GPC6: variants seen among roughly 807,000 people sequenced by gnomAD.
GPC6 encodes the protein glypican 6.
GPC6 carries 14 observed loss-of-function variants against 55.2 expected under a neutral mutation model. The observed-to-expected ratio is 0.25, with a 90% CI of 0.17 to 0.40. The LOEUF (loss-of-function observed/expected upper bound fraction) is 0.40, where lower values mean the gene tolerates loss of function less well. Ranked by LOEUF, GPC6 falls within the 10% of genes least tolerant of loss-of-function variation. The probability of loss-of-function intolerance (pLI) is 1.00; values close to 1 mark genes in which losing one functional copy is unlikely to be tolerated. For synonymous variants in GPC6, 278 were observed against 259.6 expected, an observed-to-expected ratio of 1.07 and a Z score of -0.68; for missense variants, 641 against 708.5, an observed-to-expected ratio of 0.90 and a Z score of 1.08.
chr13:93,686,622 T>C (rs1882056547), intron 2 of GPC6, among the ~76,000 whole-genome samples: 2 of 152,202 alleles, frequency 1.3e-5, no homozygotes, highest in African/African-American at 4.8e-5. Context: ...TAGAACTTTT[T>C]CATTTTTACC....
At chr13:93,362,216 C>T (rs1881063725) in intron 1 of GPC6, among the ~76,000 whole-genome samples, 1 of 152,188 alleles carries the variant, frequency 6.6e-6, no homozygotes, top group Non-Finnish European at 1.5e-5. Context: ...GCTCCTCAAA[C>T]ATCAGATTGT....
chr13:93,313,792 A>T (rs1159408674), intron 1 of GPC6, among the ~76,000 whole-genome samples: 1 of 152,044 alleles, frequency 6.6e-6, no homozygotes, highest in Non-Finnish European at 1.5e-5. Context: ...TCAGTCTCTC[A>T]AGTAGCTGGG....
chr13:93,774,081 T>C (rs113838958), intron 2 of GPC6, among the ~76,000 whole-genome samples: 12 of 152,176 alleles, frequency 7.9e-5, no homozygotes, highest in African/African-American at 2.7e-4. Context: ...GTATATGACA[T>C]GGGGCATGCC....
intron 2 of GPC6, among the ~76,000 whole-genome samples, chr13:93,694,779 T>C (rs985094421): frequency 2.0e-5 from 3 of 152,112 alleles, no homozygotes; most frequent in African/African-American, 2.4e-5. Flanking sequence ...GAAGCTTGAG[T>C]TGCCTTTCTT....
intron 5 of GPC6, among the ~76,000 whole-genome samples, chr13:94,295,343 A>G (rs919016268): frequency 2.0e-5 from 3 of 152,218 alleles, no homozygotes; most frequent in Non-Finnish European, 4.4e-5. Context: ...TTTAATTGCT[A>G]TTATTAAAAA....
intron 1 of GPC6, among the ~76,000 whole-genome samples, chr13:93,413,327 C>A (rs548422058): frequency 6.6e-6 from 1 of 152,110 alleles, no homozygotes; most frequent in Non-Finnish European, 1.5e-5. Flanking sequence ...TAATCAATAT[C>A]GCTGCAACTG....
chr13:93,559,536 G>T (rs1047370069), intron 2 of GPC6, among the ~76,000 whole-genome samples: 11 of 152,084 alleles, frequency 7.2e-5, no homozygotes, highest in African/African-American at 2.7e-4. Context: ...CACTAGGGAT[G>T]GATGAATACA....
intron 2 of GPC6, among the ~76,000 whole-genome samples, chr13:93,713,203 G>T (rs1883133856): frequency 6.6e-6 from 1 of 151,490 alleles, no homozygotes; most frequent in African/African-American, 2.4e-5. Flanking sequence ...AGCAATAAAT[G>T]CAATTACTGG....
At chr13:94,125,366 G>A (rs976113588) in intron 4 of GPC6, among the ~76,000 whole-genome samples, 9 of 151,958 alleles carry the variant, frequency 5.9e-5, no homozygotes, top group East Asian at 1.9e-4. Flanking sequence ...GAAATAGCTC[G>A]TCTTATGATC....
At chr13:93,753,719 C>T (rs1884676143) in intron 2 of GPC6, among the ~76,000 whole-genome samples, 1 of 152,080 alleles carries the variant, frequency 6.6e-6, no homozygotes, top group Non-Finnish European at 1.5e-5. Context: ...TTCCCCCAAC[C>T]CCTCCACCAA....
At chr13:94,139,070 G>A (rs1367490180) in intron 4 of GPC6, among the ~76,000 whole-genome samples, 2 of 151,788 alleles carry the variant, frequency 1.3e-5, no homozygotes, top group African/African-American at 2.4e-5. Flanking sequence ...GATATGGTAG[G>A]AGTTAGCTGG....
At chr13:93,231,374 T>TAC (rs1223726685) in intron 1 of GPC6, among the ~76,000 whole-genome samples, 18 of 17,298 alleles carry the variant, frequency 1.0e-3, no homozygotes, top group Non-Finnish European at 1.8e-3. Flanking sequence ...TATATATATA[T>TAC]ATATACATAT....
intron 2 of GPC6, among the ~76,000 whole-genome samples, chr13:93,667,835 C>G (rs1881208263): frequency 6.7e-6 from 1 of 150,138 alleles, no homozygotes; most frequent in African/African-American, 2.5e-5. Flanking sequence ...AACAGCTTAG[C>G]CTGGTATCAG....
At chr13:93,602,284 C>T (rs1429052307) in intron 2 of GPC6, among the ~76,000 whole-genome samples, 1 of 152,132 alleles carries the variant, frequency 6.6e-6, no homozygotes, top group Non-Finnish European at 1.5e-5. Context: ...TACATTTTCA[C>T]AACCAATACA....
At chr13:93,753,910 G>A (rs1267003689) in intron 2 of GPC6, among the ~76,000 whole-genome samples, 1 of 152,066 alleles carries the variant, frequency 6.6e-6, no homozygotes, top group African/African-American at 2.4e-5. Context: ...GCTTTCCAAA[G>A]CACTGGGACC....
chr13:93,563,191 T>C (rs1257766917), intron 2 of GPC6, among the ~76,000 whole-genome samples: 2 of 152,138 alleles, frequency 1.3e-5, no homozygotes, highest in African/African-American at 4.8e-5. Flanking sequence ...ATATTGGATA[T>C]GATCCACTTA....
intron 1 of GPC6, among the ~76,000 whole-genome samples, chr13:93,502,883 T>A (rs1880573225): frequency 6.6e-6 from 1 of 152,130 alleles, no homozygotes; most frequent in Admixed American, 6.6e-5. Flanking sequence ...ATATAATATT[T>A]CTACCAGATA....
At chr13:94,076,132 GT>G (rs61343081) in intron 4 of GPC6, among the ~76,000 whole-genome samples, 20,477 of 144,198 alleles carry the variant, frequency 0.14, 1,772 homozygotes, top group East Asian at 0.46. Flanking sequence ...TATTATCTTT[GT>G]TTTTTTTTTT....
chr13:94,343,775 C>G (rs1392038594), intron 6 of GPC6, among the ~76,000 whole-genome samples: 1 of 152,050 alleles, frequency 6.6e-6, no homozygotes, highest in African/African-American at 2.4e-5. Flanking sequence ...TGTGGCCCAG[C>G]CTGGAGTTCA....
Sources: allele counts gnomAD v4.1 joint callset (sites outside exome capture counted in the v4.1 genomes callset), GRCh38; gene constraint gnomAD v4.1.1; transcripts MANE v1.5; gene names NCBI Gene and HGNC (gene_info 2026-07-23, HGNC 2026-07-21).